The following LINGO2 variants were observed in gnomAD, a reference collection of about 807,000 sequenced individuals.
LINGO2 encodes leucine-rich repeat and immunoglobulin-like domain-containing nogo receptor-interacting protein 2.
A neutral mutation model predicts 30.6 loss-of-function variants in LINGO2; 14 were observed. The ratio of observed to expected loss-of-function variants is 0.46; its 90% CI spans 0.30 to 0.72. LINGO2 has a LOEUF of 0.72. Ranked by LOEUF, LINGO2 falls within the 30% of genes least tolerant of loss-of-function variation. LINGO2 has a pLI of 0.07. For synonymous variants in LINGO2, 317 were observed against 288.5 expected (o/e 1.10, Z -1.00); for missense variants, 729 against 751.7 (o/e 0.97, Z 0.35).
chr9:28,338,933 T>TAACAAACA lies in LINGO2; in HGVS notation c.-246+33895_-246+33902dup, dbSNP rs138977097. Among the ~76,000 whole-genome samples, 4 of 151,828 alleles carry TAACAAACA rather than the reference T, an allele frequency of 2.6e-5. No homozygotes were observed. In the East Asian group the frequency reaches 5.9e-4, roughly 22 times the overall value. ...CATCCACTAACATACAAAGCAAAAT[T>TAACAAACA]AACAAACAAACAAACAAACAAACGT... On this transcript the variant is annotated intron_variant, in intron 3 of 5. Transcript: ENST00000379992.
chr9:29,201,179 T>G, the LINGO2 span, among the ~76,000 whole-genome samples: 1 of 152,072 alleles, frequency 6.6e-6, no homozygotes, highest in Non-Finnish European at 1.5e-5. Context: ...TCCACTTCCT[T>G]CAGGGCAAGT....
chr9:27,984,777 C>T (rs569981429), intron 5 of LINGO2, among the ~76,000 whole-genome samples: 31 of 151,868 alleles, frequency 2.0e-4, no homozygotes, highest in South Asian at 2.1e-4. Context: ...AGTTTATATT[C>T]ATCATCTGTT....
At chr9:28,377,156 T>C (rs145065435) in intron 2 of LINGO2, among the ~76,000 whole-genome samples, 1,636 of 152,126 alleles carry the variant, frequency 0.011, 22 homozygotes, top group South Asian at 0.033. Flanking sequence ...ACATGGAAAT[T>C]TTTCCATAAA....
At chr9:29,189,528 C>G in the LINGO2 span, among the ~76,000 whole-genome samples, 3 of 150,724 alleles carry the variant, frequency 2.0e-5, no homozygotes, top group Admixed American at 1.3e-4. Flanking sequence ...ACATCTCAGA[C>G]GATGGGAGGC....
chr9:28,334,801 T>TA (rs1825535890), intron 3 of LINGO2, among the ~76,000 whole-genome samples: 2 of 152,124 alleles, frequency 1.3e-5, no homozygotes, highest in Admixed American at 1.3e-4. Context: ...TCCTGGGGTT[T>TA]ATGACAGTGG....
At chr9:28,991,682 C>T in the LINGO2 span, among the ~76,000 whole-genome samples, 1 of 151,134 alleles carries the variant, frequency 6.6e-6, no homozygotes, top group Non-Finnish European at 1.5e-5. Context: ...AGAAACTCTA[C>T]AAGCCAGAAG....
chr9:28,938,600 A>T, the LINGO2 span, among the ~76,000 whole-genome samples: 2 of 152,134 alleles, frequency 1.3e-5, no homozygotes, highest in Non-Finnish European at 2.9e-5. Flanking sequence ...TATCTTTTCT[A>T]TGTTTAGATA....
At chr9:28,898,628 T>C in the LINGO2 span, among the ~76,000 whole-genome samples, 1 of 152,106 alleles carries the variant, frequency 6.6e-6, no homozygotes, top group African/African-American at 2.4e-5. Context: ...AATTTGATGA[T>C]AAGGATAATA....
chr9:28,795,463 G>A, the LINGO2 span, among the ~76,000 whole-genome samples: 7 of 151,884 alleles, frequency 4.6e-5, no homozygotes, highest in Admixed American at 1.3e-4. Flanking sequence ...ATGCCTGAAG[G>A]GGGGAAATAT....
intron 4 of LINGO2, among the ~76,000 whole-genome samples, chr9:28,242,872 T>G (rs979777059): frequency 1.3e-5 from 2 of 152,134 alleles, no homozygotes; most frequent in Non-Finnish European, 2.9e-5. Context: ...CCAGCCAAAC[T>G]AAGCTTCATA....
the LINGO2 span, among the ~76,000 whole-genome samples, chr9:28,995,241 T>C: frequency 1.3e-5 from 2 of 152,184 alleles, no homozygotes; most frequent in Non-Finnish European, 2.9e-5. Context: ...AAAGAAGACA[T>C]TTATGCTGCC....
chr9:28,815,609 C>G, the LINGO2 span, among the ~76,000 whole-genome samples: 32 of 152,166 alleles, frequency 2.1e-4, no homozygotes, highest in Admixed American at 5.9e-4. Flanking sequence ...TCAGAAAGAT[C>G]TTTTACTATT....
chr9:29,208,100 T>C, the LINGO2 span, among the ~76,000 whole-genome samples: 1 of 152,070 alleles, frequency 6.6e-6, no homozygotes, highest in Non-Finnish European at 1.5e-5. Context: ...TTCCATTTCA[T>C]AGATTAAATC....
the LINGO2 span, among the ~76,000 whole-genome samples, chr9:28,893,218 T>C: frequency 1.3e-5 from 2 of 151,976 alleles, no homozygotes; most frequent in Non-Finnish European, 1.5e-5. Flanking sequence ...TTTTGTTTGA[T>C]TTTATTGCAT....
chr9:29,195,685 A>C, the LINGO2 span, among the ~76,000 whole-genome samples: 1 of 152,144 alleles, frequency 6.6e-6, no homozygotes, highest in African/African-American at 2.4e-5. Flanking sequence ...AATAGAAAAA[A>C]ATATTTTGCT....
rs553689820 is a variant in LINGO2 at position 28,417,222 on chromosome 9, C to T, written c.-278-44354G>A. Among the ~76,000 whole-genome samples, 7 of 152,224 alleles carry T rather than the reference C, an allele frequency of 4.6e-5. No individual in the cohort carries two copies. The East Asian group carries it at 1.4e-3, about 29-fold the overall frequency. ...CTGGTTTTCAGGGACATGAAATGGG[C>T]AGGGAGGAGAAGTTTAAACCAAGCC... On this transcript the variant is annotated intron_variant, in intron 2 of 5. Coordinates refer to ENST00000379992, the Ensembl canonical transcript of LINGO2.
At chr9:28,448,506 A>G (rs1406447877) in intron 2 of LINGO2, among the ~76,000 whole-genome samples, 2 of 152,158 alleles carry the variant, frequency 1.3e-5, no homozygotes, top group African/African-American at 4.8e-5. Flanking sequence ...CTTACTACCT[A>G]TATAAAGCTA....
chr9:28,369,942 A>C (rs1820830942), intron 3 of LINGO2, among the ~76,000 whole-genome samples: 1 of 152,118 alleles, frequency 6.6e-6, no homozygotes, highest in African/African-American at 2.4e-5. Context: ...GAAGGGCAAA[A>C]TAGGTTATTT....
the LINGO2 span, among the ~76,000 whole-genome samples, chr9:29,001,530 C>A: frequency 6.6e-6 from 1 of 151,916 alleles, no homozygotes; most frequent in African/African-American, 2.4e-5. Flanking sequence ...TTCACAAGAT[C>A]AGCAACTTCA....
Sources: gnomAD v4.1 joint callset for allele counts (sites outside exome capture counted in the v4.1 genomes callset) on GRCh38, gnomAD v4.1.1 for gene constraint, MANE v1.5 for transcripts, NCBI Gene and HGNC (gene_info 2026-07-23, HGNC 2026-07-21) for gene names.